Variants in RFX3 observed in about 807,000 individuals in gnomAD.
The protein encoded by RFX3 is transcription factor RFX3.
A neutral mutation model predicts 98.6 loss-of-function variants in RFX3; 14 were observed. That is an observed-to-expected ratio of 0.14 (90% CI 0.09 to 0.22). RFX3 has a LOEUF of 0.22. Among genes scored for constraint, RFX3 ranks in the 10% least tolerant of loss-of-function variants. The pLI, the probability that RFX3 is intolerant of heterozygous loss-of-function variation, is 1.00. For synonymous variants in RFX3, 383 were observed against 328.4 expected (o/e 1.17, Z -1.80); for missense variants, 639 against 926.9 (o/e 0.69, Z 4.03).
At chr9:3,416,567 T>C (rs563175195) in intron 1 of RFX3, among the ~76,000 whole-genome samples, 1 of 152,298 alleles carries the variant, frequency 6.6e-6, no homozygotes, top group East Asian at 1.9e-4. Flanking sequence ...GTACACCCAA[T>C]ATGATTCCAG....
chr9:3,367,516 A>G (rs1837347869), intron 2 of RFX3, among the ~76,000 whole-genome samples: 1 of 152,196 alleles, frequency 6.6e-6, no homozygotes, highest in African/African-American at 2.4e-5. Context: ...AAAAATTGTG[A>G]GATAATAAGT....
intron 3 of RFX3, among the ~76,000 whole-genome samples, chr9:3,344,506 T>C (rs1834226155): frequency 6.6e-6 from 1 of 152,128 alleles, no homozygotes; most frequent in African/African-American, 2.4e-5. Context: ...ATTTCATACA[T>C]AACAGACTAA....
At chr9:3,260,284 A>C (rs1312609523) in intron 13 of RFX3, among the ~76,000 whole-genome samples, 1 of 152,030 alleles carries the variant, frequency 6.6e-6, no homozygotes, top group Non-Finnish European at 1.5e-5. Flanking sequence ...GATAGTCAAA[A>C]ATAGAGGAAA....
chr9:3,514,818 G>A (rs963382228), intron 1 of RFX3, among the ~76,000 whole-genome samples: 2 of 152,140 alleles, frequency 1.3e-5, no homozygotes, highest in South Asian at 2.1e-4. Flanking sequence ...ATGGGTTTCC[G>A]TGTTATGTAC....
intron 2 of RFX3, among the ~76,000 whole-genome samples, chr9:3,375,374 G>A (rs1316668406): frequency 6.6e-6 from 1 of 152,120 alleles, no homozygotes; most frequent in East Asian, 1.9e-4. Context: ...TAGCTTATTT[G>A]TCTTATCTAA....
intron 4 of RFX3, among the ~76,000 whole-genome samples, chr9:3,316,867 G>C (rs926209705): frequency 1.3e-5 from 2 of 152,256 alleles, no homozygotes; most frequent in African/African-American, 4.8e-5. Context: ...CGAAATAAAA[G>C]AAGACACAAA....
chr9:3,260,527 C>T (rs1440979903), intron 13 of RFX3, among the ~76,000 whole-genome samples: 1 of 151,728 alleles, frequency 6.6e-6, no homozygotes, highest in Non-Finnish European at 1.5e-5. Flanking sequence ...ATAAATAATT[C>T]TTTAAAATGT....
intron 3 of RFX3, among the ~76,000 whole-genome samples, chr9:3,345,986 C>T (rs746030571): frequency 6.6e-5 from 10 of 152,126 alleles, no homozygotes; most frequent in South Asian, 6.2e-4. Flanking sequence ...TTAAGTTAAC[C>T]GAGGAAGCCA....
chr9:3,368,998 C>T (rs1471253234), intron 2 of RFX3, among the ~76,000 whole-genome samples: 1 of 152,048 alleles, frequency 6.6e-6, no homozygotes, highest in Non-Finnish European at 1.5e-5. Context: ...AGAGGGAATC[C>T]TTAATAAGGA....
At chr9:3,474,266 T>C (rs937886565) in intron 1 of RFX3, among the ~76,000 whole-genome samples, 7 of 152,226 alleles carry the variant, frequency 4.6e-5, no homozygotes, top group African/African-American at 1.2e-4. Context: ...AAACAGTCTA[T>C]TTATACATTT....
intron 1 of RFX3, among the ~76,000 whole-genome samples, chr9:3,433,143 G>T (rs1228619898): frequency 2.6e-5 from 4 of 152,004 alleles, no homozygotes; most frequent in Non-Finnish European, 5.9e-5. Flanking sequence ...ATCTGCATTT[G>T]GTTGAAAAAA....
intron 1 of RFX3, among the ~76,000 whole-genome samples, chr9:3,411,687 C>CA (rs1282346475): frequency 6.6e-6 from 1 of 151,214 alleles, no homozygotes; most frequent in East Asian, 1.9e-4. Context: ...GAGGGGATTT[C>CA]ACCATGTTGG....
intron 1 of RFX3, among the ~76,000 whole-genome samples, chr9:3,498,932 T>C (rs926228761): frequency 1.3e-5 from 2 of 152,122 alleles, no homozygotes; most frequent in South Asian, 2.1e-4. Flanking sequence ...CTTCCCTCTA[T>C]GGGTCCAACC....
chr9:3,228,499 G>A (rs908561047), intron 16 of RFX3, among the ~76,000 whole-genome samples: 1 of 152,110 alleles, frequency 6.6e-6, no homozygotes, highest in Admixed American at 6.5e-5. Flanking sequence ...CTTGCCTGGT[G>A]GGCCTTGAAT....
At chr9:3,302,163 G>A (rs1828742265) in intron 4 of RFX3, among the ~76,000 whole-genome samples, 1 of 151,676 alleles carries the variant, frequency 6.6e-6, no homozygotes, top group African/African-American at 2.4e-5. Flanking sequence ...GGAAGTAGGG[G>A]GTCATCAGTA....
At chr9:3,425,392 C>T (rs1843915018) in intron 1 of RFX3, among the ~76,000 whole-genome samples, 1 of 152,198 alleles carries the variant, frequency 6.6e-6, no homozygotes, top group African/African-American at 2.4e-5. Flanking sequence ...TCCAATGAGC[C>T]TGCATTACTT....
intron 1 of RFX3, among the ~76,000 whole-genome samples, chr9:3,475,541 G>A (rs901783417): frequency 6.6e-6 from 1 of 152,172 alleles, no homozygotes; most frequent in Non-Finnish European, 1.5e-5. Context: ...AGAGAGGACA[G>A]CTTATGCTAC....
Position 3,257,065 on chromosome 9 carries a change from T to C in RFX3, c.1740A>G (p.Ala580=), listed in dbSNP as rs758918064. 1.2e-6 allele frequency: 2 copies of C among 1,614,050 alleles called. No individual in the cohort carries two copies. The highest frequency in any genetic ancestry group is 4.5e-5 in the East Asian group (2 of 44,866). ...AAWLDNVMMQ[A]LKPYEGRPSF... ...TGGGTCTTCCTTCATAGGGTTTCAGTGCTTGCATCATCACATTGTCAAGCC... is the reference window on the plus strand; with the variant it reads ...TGGGTCTTCCTTCATAGGGTTTCAGCGCTTGCATCATCACATTGTCAAGCC... The change falls in exon 14 of 17, where the codon GCA becomes GCG. Residue 580 remains alanine (A), a synonymous_variant. Coordinates refer to ENST00000617270, the MANE Select transcript of RFX3 (RefSeq NM_001282116.2).
intron 14 of RFX3, among the ~76,000 whole-genome samples, chr9:3,251,045 T>C (rs1239832168): frequency 6.6e-6 from 1 of 152,138 alleles, no homozygotes; most frequent in East Asian, 1.9e-4. Context: ...TTTTAAAAAC[T>C]CTATCAAAAC....
Sources: gnomAD v4.1 joint callset for allele counts (sites outside exome capture counted in the v4.1 genomes callset) on GRCh38, gnomAD v4.1.1 for gene constraint, MANE v1.5 for transcripts, NCBI Gene and HGNC (gene_info 2026-07-23, HGNC 2026-07-21) for gene names.